NELL1: variants seen among roughly 807,000 people sequenced by gnomAD.
NELL1 encodes neural EGFL like 1, also known as protein kinase C-binding protein NELL1.
NELL1 carries 76 observed loss-of-function variants against 107.4 expected under a neutral mutation model. That is an observed-to-expected ratio of 0.71 (90% CI 0.59 to 0.86). The LOEUF (loss-of-function observed/expected upper bound fraction) is 0.86. NELL1 is among the 40% of genes least tolerant of loss of function. NELL1 has a pLI of 0.00. For synonymous variants in NELL1, 353 were observed against 341.2 expected, an observed-to-expected ratio of 1.03 and a Z score of -0.38; for missense variants, 1,024 against 1,005.5, an observed-to-expected ratio of 1.02 and a Z score of -0.25.
chr11:21,424,236 AAGAT>A (rs1442304678), intron 15 of NELL1, among the ~76,000 whole-genome samples: 14 of 152,314 alleles, frequency 9.2e-5, no homozygotes, highest in South Asian at 4.1e-4. Context: ...GACTAAGAAA[AAGAT>A]AGAGTAATCA....
intron 15 of NELL1, among the ~76,000 whole-genome samples, chr11:21,410,924 C>G (rs554491625): frequency 6.6e-6 from 1 of 151,974 alleles, no homozygotes; most frequent in Non-Finnish European, 1.5e-5. Context: ...ATTTCTTCCC[C>G]CACCCCCAAC....
At chr11:21,482,330 G>C (rs933233507) in intron 15 of NELL1, among the ~76,000 whole-genome samples, 1 of 152,088 alleles carries the variant, frequency 6.6e-6, no homozygotes, top group African/African-American at 2.4e-5. Flanking sequence ...TATCTGATTA[G>C]TTGTTCTTAA....
chr11:21,545,581 C>T (rs1029062984), intron 16 of NELL1, among the ~76,000 whole-genome samples: 1 of 151,944 alleles, frequency 6.6e-6, no homozygotes, highest in Non-Finnish European at 1.5e-5. Flanking sequence ...TTTTGGAAAA[C>T]AAGCAACAGG....
At chr11:21,350,598 C>T (rs1590860502) in intron 14 of NELL1, among the ~76,000 whole-genome samples, 2 of 152,100 alleles carry the variant, frequency 1.3e-5, no homozygotes, top group African/African-American at 2.4e-5. Context: ...TGGTGAGACT[C>T]GCTAACTCTG....
intron 14 of NELL1, among the ~76,000 whole-genome samples, chr11:21,364,022 TA>T (rs1204070714): frequency 3.9e-5 from 6 of 152,198 alleles, no homozygotes; most frequent in Non-Finnish European, 7.3e-5. Context: ...CTGTTATACC[TA>T]CATTCATGGA....
At chr11:21,151,832 T>C (rs901236910) in intron 13 of NELL1, among the ~76,000 whole-genome samples, 1 of 152,208 alleles carries the variant, frequency 6.6e-6, no homozygotes, top group African/African-American at 2.4e-5. Flanking sequence ...GTCAAATGAA[T>C]AGCCCCAAGC....
intron 2 of NELL1, among the ~76,000 whole-genome samples, chr11:20,710,839 A>G (rs1007364426): frequency 1.3e-5 from 2 of 151,894 alleles, no homozygotes; most frequent in African/African-American, 4.8e-5. Flanking sequence ...GCCTTGAATG[A>G]TCTTTTGAAT....
intron 17 of NELL1, among the ~76,000 whole-genome samples, chr11:21,560,818 C>T (rs973164913): frequency 3.9e-5 from 6 of 152,088 alleles, no homozygotes; most frequent in African/African-American, 1.4e-4. Context: ...GGCCAACAGA[C>T]TTGCATCCAG....
At chr11:21,487,617 A>C (rs1854670130) in intron 15 of NELL1, among the ~76,000 whole-genome samples, 1 of 66,038 alleles carries the variant, frequency 1.5e-5, no homozygotes. Flanking sequence ...GATAAAAAGA[A>C]ATGAACAAAG....
chr11:21,187,457 C>G (rs1490434555), intron 13 of NELL1, among the ~76,000 whole-genome samples: 1 of 151,878 alleles, frequency 6.6e-6, no homozygotes, highest in Non-Finnish European at 1.5e-5. Context: ...CAAAGTAACA[C>G]TTAAAATGAT....
In NELL1 at chr11:21,007,439, G is replaced by C. The variant is rs144547957; in HGVS notation, c.1300+46879G>C. Among the ~76,000 whole-genome samples, 3 of 152,178 alleles carry C rather than the reference G, an allele frequency of 2.0e-5. No homozygotes were observed. In the East Asian group the frequency reaches 5.8e-4, roughly 30 times the overall value. ...GACAGACACGCACATCAGGCATGCA[G>C]TGAGAAACTGCAGAAATGATTGGGA... On this transcript the variant is annotated intron_variant, in intron 12 of 19. Coordinates refer to ENST00000357134, the MANE Select transcript of NELL1 (RefSeq NM_006157.5).
chr11:20,780,638 C>T (rs1178014573), intron 2 of NELL1, among the ~76,000 whole-genome samples: 2 of 152,060 alleles, frequency 1.3e-5, no homozygotes, highest in African/African-American at 4.8e-5. Flanking sequence ...AAATGGATTA[C>T]AATACATATA....
At chr11:20,776,001 T>C (rs1856742765) in intron 2 of NELL1, among the ~76,000 whole-genome samples, 3 of 152,226 alleles carry the variant, frequency 2.0e-5, no homozygotes, top group South Asian at 2.1e-4. Context: ...TTTTCTTATA[T>C]TGTGTTCCAG....
intron 15 of NELL1, among the ~76,000 whole-genome samples, chr11:21,443,637 C>T (rs1327611692): frequency 6.6e-6 from 1 of 151,588 alleles, no homozygotes; most frequent in African/African-American, 2.4e-5. Context: ...CCTGTAATCC[C>T]AGCACTTTGC....
At chr11:20,942,935 C>T (rs1416757519) in intron 10 of NELL1, among the ~76,000 whole-genome samples, 1 of 152,160 alleles carries the variant, frequency 6.6e-6, no homozygotes, top group Non-Finnish European at 1.5e-5. Context: ...GCCAGGCAGA[C>T]ACCATTTGAG....
At chr11:20,909,721 G>C (rs1457213104) in intron 5 of NELL1, among the ~76,000 whole-genome samples, 2 of 152,084 alleles carry the variant, frequency 1.3e-5, no homozygotes, top group Non-Finnish European at 2.9e-5. Context: ...TGCCCACCAT[G>C]CCTCAGCCAC....
chr11:21,161,032 CA>C, intron 13 of NELL1, among the ~76,000 whole-genome samples: 1 of 151,242 alleles, frequency 6.6e-6, no homozygotes, highest in African/African-American at 2.4e-5. Context: ...CACACACACA[CA>C]CACACACACA....
At chr11:21,551,156 G>A (rs1479309638) in intron 16 of NELL1, among the ~76,000 whole-genome samples, 7 of 151,780 alleles carry the variant, frequency 4.6e-5, no homozygotes, top group Non-Finnish European at 8.8e-5. Flanking sequence ...TGTTATTGGT[G>A]TATAAGAATG....
intron 2 of NELL1, among the ~76,000 whole-genome samples, chr11:20,770,233 G>A (rs1856613436): frequency 6.6e-6 from 1 of 152,180 alleles, no homozygotes; most frequent in African/African-American, 2.4e-5. Flanking sequence ...CAGCCAGATA[G>A]CAACAGGCCG....
Sources: gnomAD v4.1 joint callset for allele counts (sites outside exome capture counted in the v4.1 genomes callset) on GRCh38, gnomAD v4.1.1 for gene constraint, MANE v1.5 for transcripts, NCBI Gene and HGNC (gene_info 2026-07-23, HGNC 2026-07-21) for gene names.